The following COL9A1 variants were observed in gnomAD, a reference collection of about 807,000 sequenced individuals.
The protein encoded by COL9A1 is collagen alpha-1(IX) chain.
Under a neutral mutation model 142.6 loss-of-function variants are expected in COL9A1, and 104 were observed. The observed-to-expected ratio is 0.73, with a 90% CI of 0.62 to 0.86. The LOEUF is 0.86. Ranked by LOEUF, COL9A1 falls within the 40% of genes least tolerant of loss-of-function variation. The pLI is 0.00. For missense variants in COL9A1, 1,210 were observed against 1,176.6 expected (o/e 1.03, Z -0.42); for synonymous variants, 466 against 396.0 (o/e 1.18, Z -2.10).
At chr6:70,267,602 G>A (rs979616963) in intron 17 of COL9A1, among the ~76,000 whole-genome samples, 9 of 152,260 alleles carry the variant, frequency 5.9e-5, no homozygotes, top group African/African-American at 1.4e-4. Context: ...GATTACAGGC[G>A]TGAGCCACCG....
intron 35 of COL9A1, among the ~76,000 whole-genome samples, 188 bp from the exon 36 acceptor site, chr6:70,232,959 T>G (rs1463810114): frequency 2.0e-5 from 3 of 152,140 alleles, no homozygotes; most frequent in Non-Finnish European, 4.4e-5. Context: ...GCTGGTGCTG[T>G]TTGATGCAGC....
intron 32 of COL9A1, among the ~76,000 whole-genome samples, chr6:70,239,623 T>C (rs767978491): frequency 6.6e-6 from 1 of 152,224 alleles, no homozygotes; most frequent in Non-Finnish European, 1.5e-5. Context: ...AATAGCATTA[T>C]CTTATAAAAC....
chr6:70,217,864 G>A (rs914293193), intron 37 of COL9A1, among the ~76,000 whole-genome samples: 2 of 152,184 alleles, frequency 1.3e-5, no homozygotes, highest in Admixed American at 6.5e-5. Context: ...ATTCAGGCCA[G>A]GTGCAGTGGC....
intron 33 of COL9A1, among the ~76,000 whole-genome samples, chr6:70,238,890 G>A (rs1770071581): frequency 6.6e-6 from 1 of 152,214 alleles, no homozygotes; most frequent in Non-Finnish European, 1.5e-5. Context: ...TGTAAACCCA[G>A]CACTTTGGGA....
chr6:70,240,383 C>T (rs1436901140), intron 32 of COL9A1, among the ~76,000 whole-genome samples: 1 of 152,042 alleles, frequency 6.6e-6, no homozygotes, highest in Non-Finnish European at 1.5e-5. Flanking sequence ...AGACATAAAG[C>T]CACAGAGGAT....
At chr6:70,295,224 T>C (rs1167875467) in intron 4 of COL9A1, among the ~76,000 whole-genome samples, 1 of 151,492 alleles carries the variant, frequency 6.6e-6, no homozygotes, top group Non-Finnish European at 1.5e-5. Context: ...ACACTGGATA[T>C]GTGGCAAGGG....
chr6:70,224,958 A>G (rs1381279395), intron 37 of COL9A1, among the ~76,000 whole-genome samples: 1 of 152,246 alleles, frequency 6.6e-6, no homozygotes, highest in East Asian at 1.9e-4. Flanking sequence ...ATAATTGGAA[A>G]GCAATGATGT....
At chr6:70,231,267 G>T (rs1185518044) in intron 36 of COL9A1, among the ~76,000 whole-genome samples, 1 of 152,226 alleles carries the variant, frequency 6.6e-6, no homozygotes, top group East Asian at 1.9e-4. Flanking sequence ...CAGATCCAAT[G>T]AAGTCAACAA....
At chr6:70,234,639 A>C (rs768706367) in intron 34 of COL9A1, 46 bp from the exon 35 acceptor site, 16 of 1,611,978 alleles carry the variant, frequency 9.9e-6, no homozygotes, top group Non-Finnish European at 1.4e-5. Context: ...GAAACCATAA[A>C]GAGAACATTG....
chr6:70,257,979 A>C (rs1266758131), intron 20 of COL9A1, among the ~76,000 whole-genome samples: 1 of 152,222 alleles, frequency 6.6e-6, no homozygotes, highest in Non-Finnish European at 1.5e-5. Context: ...TATATAAAGT[A>C]ACCGGCCTAT....
chr6:70,252,825 T>G (rs1253148532), intron 26 of COL9A1, among the ~76,000 whole-genome samples: 1 of 152,228 alleles, frequency 6.6e-6, no homozygotes, highest in Non-Finnish European at 1.5e-5. Context: ...CTCAAGACGC[T>G]GCAGACCACT....
intron 5 of COL9A1, among the ~76,000 whole-genome samples, chr6:70,293,108 C>T (rs1773715782): frequency 6.6e-6 from 1 of 152,068 alleles, no homozygotes; most frequent in African/African-American, 2.4e-5. Flanking sequence ...TGCACAGAAA[C>T]AATTTGAAAT....
intron 36 of COL9A1, among the ~76,000 whole-genome samples, chr6:70,229,055 TGTACA>T (rs984043304): frequency 2.0e-5 from 3 of 152,174 alleles, no homozygotes; most frequent in Non-Finnish European, 4.4e-5. Context: ...TAAACTTGTT[TGTACA>T]TTCTAGCATG....
chr6:70,241,377 A>G, intron 31 of COL9A1, 42 bp downstream of exon 31: 1 of 1,549,814 alleles, frequency 6.5e-7, no homozygotes, highest in Non-Finnish European at 8.9e-7. Flanking sequence ...AATGGTGCAT[A>G]TCAAACATTG....
At chr6:70,220,389 GGTGTGT>G (rs58525634) in intron 37 of COL9A1, among the ~76,000 whole-genome samples, 56,393 of 148,466 alleles carry the variant, frequency 0.38, 10,784 homozygotes, top group Middle Eastern at 0.49. Context: ...GGTGTGGCAG[GGTGTGT>G]GTGTGTGTGT....
chr6:70,286,842 C>T (rs1398022028), intron 5 of COL9A1, among the ~76,000 whole-genome samples: 1 of 152,198 alleles, frequency 6.6e-6, no homozygotes, highest in African/African-American at 2.4e-5. Context: ...AAGGCTACAG[C>T]AGAATGGTGA....
intron 37 of COL9A1, among the ~76,000 whole-genome samples, chr6:70,220,940 A>G (rs1004738440): frequency 3.3e-5 from 5 of 152,212 alleles, no homozygotes; most frequent in Admixed American, 2.6e-4. Flanking sequence ...TTCCCAATAC[A>G]AAGAAATGAT....
At chr6:70,221,983 T>A (rs1322436375) in intron 37 of COL9A1, among the ~76,000 whole-genome samples, 1 of 152,054 alleles carries the variant, frequency 6.6e-6, no homozygotes, top group South Asian at 2.1e-4. Flanking sequence ...ACTCAGCAAT[T>A]ATGGGACATG....
rs376793758 is a variant in COL9A1, at chr6:70,300,087, C to T, written c.255G>A (p.Val85=). Residue 85 remains valine (V), a synonymous_variant, in exon 4 of 38, where the codon GTG becomes GTA. Transcript: ENST00000357250. ...QRVVGSATLQ[V]AYKLGNNVDF... ...CTACATTATTTCCCAACTTGTAAGCCACCTGCAATGTAGCTGATCCCACTA... is the reference window on the plus strand; with the variant it reads ...CTACATTATTTCCCAACTTGTAAGCTACCTGCAATGTAGCTGATCCCACTA... 1 of 1,613,704 alleles carries T rather than the reference C, an allele frequency of 6.2e-7. No individual in the cohort carries two copies. The highest frequency in any genetic ancestry group is 1.3e-5 in the African/African-American group (1 of 74,856).
Sources: gnomAD v4.1 joint callset for allele counts (sites outside exome capture counted in the v4.1 genomes callset) on GRCh38, gnomAD v4.1.1 for gene constraint, MANE v1.5 for transcripts, NCBI Gene and HGNC (gene_info 2026-07-23, HGNC 2026-07-21) for gene names.